The following MAK variants were observed in gnomAD, a reference collection of about 807,000 sequenced individuals.
MAK encodes male germ cell associated kinase.
Under a neutral mutation model 82.6 loss-of-function variants are expected in MAK, and 65 were observed. The ratio of observed to expected loss-of-function variants is 0.79; its 90% CI spans 0.64 to 0.97. MAK has a LOEUF of 0.97. Among genes scored for constraint, MAK ranks in the 50% least tolerant of loss-of-function variants. The pLI is 0.00. For missense variants in MAK, 703 were observed against 780.2 expected (o/e 0.90, Z 1.18); for synonymous variants, 250 against 274.2 (o/e 0.91, Z 0.87).
chr6:10,791,709 A>T lies in MAK; in HGVS notation c.1282T>A (p.Phe428Ile), dbSNP rs1561956105. Reference protein sequence around the residue: ...SHSKKPSMGVFKEKRKKDSPF... With the variant: ...SHSKKPSMGVIKEKRKKDSPF... ...GAATCTTTTTTCCTTTTTTCTTTAAAAACACCCATGCTTGGCTTCTTGGAA... is the reference window on the plus strand; with the variant it reads ...GAATCTTTTTTCCTTTTTTCTTTAATAACACCCATGCTTGGCTTCTTGGAA... Residue 428 changes from phenylalanine (F) to isoleucine (I), a missense_variant, in exon 10 of 15, where the codon TTT becomes ATT. Coordinates refer to ENST00000354489, the MANE Select transcript of MAK (RefSeq NM_001242957.3). 1 of 1,613,828 alleles carries T rather than the reference A, an allele frequency of 6.2e-7. No individual in the cohort carries two copies. The highest frequency in any genetic ancestry group is 2.2e-5 in the East Asian group (1 of 44,884).
chr6:10,815,551 A>C (rs2127573966), intron 4 of MAK, among the ~76,000 whole-genome samples: 1 of 152,240 alleles, frequency 6.6e-6, no homozygotes, highest in African/African-American at 2.4e-5. Flanking sequence ...GGAGCCCAAG[A>C]GGTCGAGGCT....
intron 10 of MAK, chr6:10,784,790 A>G: frequency 3.1e-6 from 2 of 652,370 alleles, no homozygotes; most frequent in African/African-American, 1.8e-5. Flanking sequence ...AGTATGTGAC[A>G]GGAACCTTTA....
chr6:10,778,945 T>TG (rs370832826), intron 11 of MAK, among the ~76,000 whole-genome samples: 4 of 151,836 alleles, frequency 2.6e-5, no homozygotes, highest in African/African-American at 9.7e-5. Context: ...CTGGCCAACA[T>TG]GGTGAAACCC....
At chr6:10,808,206 C>T (rs1329451647) in intron 6 of MAK, among the ~76,000 whole-genome samples, 1 of 152,168 alleles carries the variant, frequency 6.6e-6, no homozygotes, top group Non-Finnish European at 1.5e-5. Flanking sequence ...TTTTTTTGTA[C>T]TTTGCATAAA....
chr6:10,821,847 T>TAA (rs758550193), intron 2 of MAK, among the ~76,000 whole-genome samples: 1 of 129,978 alleles, frequency 7.7e-6, no homozygotes. Context: ...CTTTGTCTCT[T>TAA]AAAAAAAAAA....
chr6:10,819,840 C>T (rs916385062), intron 2 of MAK, among the ~76,000 whole-genome samples: 2 of 151,944 alleles, frequency 1.3e-5, no homozygotes, highest in African/African-American at 2.4e-5. Context: ...TGGCCGGGCG[C>T]GGTGGCTCAC....
chr6:10,813,078 ATGTATTTT>A (rs1387336156), intron 5 of MAK, among the ~76,000 whole-genome samples: 1 of 47,852 alleles, frequency 2.1e-5, no homozygotes, highest in African/African-American at 6.7e-5. Context: ...TATGTATGTT[ATGTATTTT>A]TATATATATA....
chr6:10,836,392 G>C (rs113202911), intron 1 of MAK, among the ~76,000 whole-genome samples: 4 of 152,192 alleles, frequency 2.6e-5, no homozygotes, highest in Admixed American at 6.5e-5. Context: ...GCTGATCATT[G>C]CAACTGTTCC....
chr6:10,767,790 C>CAA (rs35961098), intron 14 of MAK, among the ~76,000 whole-genome samples: 62 of 139,222 alleles, frequency 4.5e-4, no homozygotes, highest in Middle Eastern at 3.8e-3. Flanking sequence ...GACTTTGTCT[C>CAA]AAAAAAAAAA....
At chr6:10,809,053 ATCATCTTAGG>A in intron 5 of MAK, 111 bp from the exon 6 acceptor site, 1 of 1,007,944 alleles carries the variant, frequency 9.9e-7, no homozygotes, top group Admixed American at 2.0e-5. Flanking sequence ...AATTCAAAAC[ATCATCTTAGG>A]AAAAAAGTAA....
In MAK at chr6:10,773,366, AAAAAT is replaced by A. The variant is rs1773185036; in HGVS notation, c.1598-263_1598-259del. ...AATATTAATTTTAATTATCTGAAGA[AAAAAT>A]AAGTAAATTACAGTGCTGCAGTGTA... On this transcript the variant is annotated intron_variant, in intron 12 of 14. Transcript: ENST00000354489. Among the ~76,000 whole-genome samples the A allele has an allele frequency of 2.0e-5, 3 of 152,198 alleles. No individual in the cohort carries two copies. In the South Asian group the frequency reaches 6.2e-4, roughly 31 times the overall value.
chr6:10,823,443 A>G (rs1778111510), intron 2 of MAK, among the ~76,000 whole-genome samples: 1 of 152,156 alleles, frequency 6.6e-6, no homozygotes, highest in Non-Finnish European at 1.5e-5. Context: ...ATTTCCCTTT[A>G]AGGGGACATG....
chr6:10,823,026 C>T (rs1680779545), intron 2 of MAK, among the ~76,000 whole-genome samples: 2 of 152,198 alleles, frequency 1.3e-5, no homozygotes, highest in Non-Finnish European at 2.9e-5. Context: ...ATTCCCCCTC[C>T]AACACATCCT....
intron 1 of MAK, among the ~76,000 whole-genome samples, chr6:10,834,884 A>G (rs1188534610): frequency 6.6e-6 from 1 of 152,196 alleles, no homozygotes; most frequent in Non-Finnish European, 1.5e-5. Context: ...GCACTCAGAC[A>G]CAGGTATCCA....
At chr6:10,809,507 G>T (rs1776757306) in intron 5 of MAK, among the ~76,000 whole-genome samples, 2 of 152,090 alleles carry the variant, frequency 1.3e-5, no homozygotes, top group South Asian at 4.1e-4. Flanking sequence ...TGGTATTTTT[G>T]ATAGAGACAG....
At chr6:10,809,362 T>C (rs1376263910) in intron 5 of MAK, among the ~76,000 whole-genome samples, 1 of 152,032 alleles carries the variant, frequency 6.6e-6, no homozygotes. Flanking sequence ...GTGTGAGAAG[T>C]GTTTTTGTTT....
intron 10 of MAK, among the ~76,000 whole-genome samples, chr6:10,790,278 G>A (rs1774960727): frequency 6.6e-6 from 1 of 152,110 alleles, no homozygotes; most frequent in African/African-American, 2.4e-5. Flanking sequence ...AATTATCCAA[G>A]CATATGTACT....
intron 9 of MAK, 62 bp downstream of exon 9, chr6:10,795,935 GA>G: frequency 1.3e-6 from 2 of 1,550,180 alleles, no homozygotes. Context: ...GAAATGCCTC[GA>G]AAAAAATCTT....
intron 9 of MAK, among the ~76,000 whole-genome samples, chr6:10,792,717 T>C (rs1775188763): frequency 6.6e-6 from 1 of 152,180 alleles, no homozygotes; most frequent in Admixed American, 6.5e-5. Flanking sequence ...ACACCTATGT[T>C]GGGTGCAGGG....
Sources: allele counts gnomAD v4.1 joint callset (sites outside exome capture counted in the v4.1 genomes callset), GRCh38; gene constraint gnomAD v4.1.1; transcripts MANE v1.5; gene names NCBI Gene and HGNC (gene_info 2026-07-23, HGNC 2026-07-21).